The following RIMOC1 variants were observed in gnomAD, a reference collection of about 807,000 sequenced individuals.
RIMOC1 encodes the protein RAB7A interacting MON1-CCZ1 complex subunit 1.
chr5:41,910,004 G>A, the RIMOC1 span: 3 of 864,696 alleles, frequency 3.5e-6, no homozygotes, highest in Non-Finnish European at 3.5e-6. Context: ...CTTAAATTAA[G>A]ATTGGAAGAG....
chr5:41,909,658 C>A, the RIMOC1 span: 1 of 847,716 alleles, frequency 1.2e-6, no homozygotes, highest in Non-Finnish European at 1.7e-6. Context: ...TGTAATAAAG[C>A]ACCTATGTGT....
chr5:41,912,377 C>T, the RIMOC1 span, among the ~76,000 whole-genome samples: 1 of 152,056 alleles, frequency 6.6e-6, no homozygotes, highest in Non-Finnish European at 1.5e-5. Context: ...TTTCTAATCC[C>T]TTGTGTTTAG....
chr5:41,921,153 G>C, the RIMOC1 span: 2 of 152,476 alleles, frequency 1.3e-5, no homozygotes, highest in Non-Finnish European at 2.9e-5. Context: ...GTGAGGTGAG[G>C]GTCGTGGCTA....
chr5:41,911,256 A>T, the RIMOC1 span: 7 of 1,331,348 alleles, frequency 5.3e-6, no homozygotes, highest in African/African-American at 1.5e-5. Flanking sequence ...TGTACTACTA[A>T]GAGTAGTGGA....
At chr5:41,907,733 T>C in the RIMOC1 span, 13 of 1,583,380 alleles carry the variant, frequency 8.2e-6, no homozygotes, top group Admixed American at 1.8e-5. Context: ...TTATTTCTTA[T>C]AGATCACTTT....
chr5:41,918,488 A>G, the RIMOC1 span: 2 of 985,124 alleles, frequency 2.0e-6, no homozygotes, highest in Non-Finnish European at 2.4e-6. Context: ...AACTAATCTC[A>G]CCAGTTATTC....
the RIMOC1 span, chr5:41,911,050 CT>C: frequency 6.2e-7 from 1 of 1,609,762 alleles, no homozygotes; most frequent in South Asian, 1.1e-5. Flanking sequence ...TGTTTCAGCA[CT>C]GCAATTTGCT....
At chr5:41,905,804 G>A in the RIMOC1 span, among the ~76,000 whole-genome samples, 1 of 152,144 alleles carries the variant, frequency 6.6e-6, no homozygotes, top group African/African-American at 2.4e-5. Flanking sequence ...TCTTTAATCT[G>A]GAATGAATCA....
At chr5:41,911,944 G>C in the RIMOC1 span, 7 of 673,278 alleles carry the variant, frequency 1.0e-5, no homozygotes, top group Non-Finnish European at 1.9e-5. Context: ...AAATAGAATA[G>C]CTGTAAGCTA....
chr5:41,917,165 T>C, the RIMOC1 span: 5 of 1,613,712 alleles, frequency 3.1e-6, no homozygotes, highest in South Asian at 5.5e-5. Context: ...CAAGGAACCC[T>C]TGGATTTCCG....
chr5:41,909,973 T>C, the RIMOC1 span: 1 of 1,132,266 alleles, frequency 8.8e-7, no homozygotes, highest in Non-Finnish European at 1.2e-6. Flanking sequence ...TATTTTTTTC[T>C]TCTTGATTGT....
the RIMOC1 span, chr5:41,921,588 CTG>C: frequency 6.6e-6 from 1 of 152,184 alleles, no homozygotes; most frequent in Admixed American, 6.5e-5. Context: ...TCCAAGTAAA[CTG>C]TTATTGAGCA....
the RIMOC1 span, among the ~76,000 whole-genome samples, chr5:41,910,559 T>C: frequency 6.6e-6 from 1 of 152,124 alleles, no homozygotes; most frequent in East Asian, 1.9e-4. Context: ...TTTACTTAGA[T>C]ATATTTTTTT....
At chr5:41,915,376 A>G in the RIMOC1 span, among the ~76,000 whole-genome samples, 2 of 152,218 alleles carry the variant, frequency 1.3e-5, no homozygotes, top group Non-Finnish European at 2.9e-5. Flanking sequence ...GAGGAGTGTG[A>G]TGAAGAGAGG....
At chr5:41,909,006 T>G in the RIMOC1 span, among the ~76,000 whole-genome samples, 1 of 152,118 alleles carries the variant, frequency 6.6e-6, no homozygotes, top group African/African-American at 2.4e-5. Context: ...TTAATTAATT[T>G]TTTACTCCAA....
At chr5:41,917,570 A>G in the RIMOC1 span, 2 of 1,079,304 alleles carry the variant, frequency 1.9e-6, no homozygotes, top group Non-Finnish European at 2.2e-6. Flanking sequence ...TAGTAACCCA[A>G]TTTAGCTTTA....
the RIMOC1 span, chr5:41,907,872 T>G: frequency 1.5e-6 from 2 of 1,361,012 alleles, no homozygotes; most frequent in South Asian, 2.5e-5. Context: ...CTCTGGCATT[T>G]TATGAGGGCA....
At chr5:41,912,775 G>C in the RIMOC1 span, among the ~76,000 whole-genome samples, 35 of 152,268 alleles carry the variant, frequency 2.3e-4, no homozygotes, top group South Asian at 2.1e-3. Flanking sequence ...TATGATTCAA[G>C]ATGAGATTTG....
chr5:41,913,777 T>G, the RIMOC1 span, among the ~76,000 whole-genome samples: 11 of 152,306 alleles, frequency 7.2e-5, no homozygotes, highest in Admixed American at 4.6e-4. Context: ...TGGCCAAAAA[T>G]TATTACTTTC....
Sources: gnomAD v4.1 joint callset for allele counts (sites outside exome capture counted in the v4.1 genomes callset) on GRCh38, gnomAD v4.1.1 for gene constraint, MANE v1.5 for transcripts, NCBI Gene and HGNC (gene_info 2026-07-23, HGNC 2026-07-21) for gene names.